The following NRXN3 variants were observed in gnomAD, a reference collection of about 807,000 sequenced individuals.
The protein encoded by NRXN3 is neurexin 3.
In NRXN3, 32 loss-of-function variants were observed where a neutral mutation model predicts 137.6. The ratio of observed to expected loss-of-function variants is 0.23; its 90% confidence interval spans 0.18 to 0.31. NRXN3 has a LOEUF of 0.31. Ranked by LOEUF, NRXN3 falls within the 10% of genes least tolerant of loss-of-function variation. The pLI, the probability that NRXN3 is intolerant of heterozygous loss-of-function variation, is 1.00. For synonymous variants in NRXN3, 798 were observed against 784.5 expected (o/e 1.02, Z -0.29); for missense variants, 1,574 against 2,062.5 (o/e 0.76, Z 4.59).
At chr14:79,495,974 A>C (rs183244884) in intron 16 of NRXN3, among the ~76,000 whole-genome samples, 1 of 151,964 alleles carries the variant, frequency 6.6e-6, no homozygotes, top group Non-Finnish European at 1.5e-5. Flanking sequence ...AAACAAAAAA[A>C]CAAAAAATCC....
chr14:78,750,828 G>A (rs908809415), intron 8 of NRXN3, among the ~76,000 whole-genome samples: 1 of 152,168 alleles, frequency 6.6e-6, no homozygotes, highest in African/African-American at 2.4e-5. Flanking sequence ...AGGGCCAGAG[G>A]TCTCAGAGCT....
intron 20 of NRXN3, among the ~76,000 whole-genome samples, chr14:79,834,388 T>C (rs1487269281): frequency 2.0e-5 from 3 of 152,158 alleles, no homozygotes; most frequent in Non-Finnish European, 4.4e-5. Flanking sequence ...GTTCAGAGAA[T>C]GTGTGATAAG....
Position 78,243,631 on chromosome 14 carries a change from A to T in NRXN3, c.538A>T (p.Lys180Ter). ...CTTCAAGGGGTTAATTCTGGATCTC[A>T]AGTATGGAAACTCGGAGCCTCGGCT... ...PGFKGLILDL[K>*]YGNSEPRLLG... Residue 180 changes from lysine (K) to a stop codon, truncating the protein, a stop_gained, in exon 2 of 21, where the codon AAG becomes TAG. Transcript: ENST00000335750. LOFTEE classifies it high-confidence loss of function. The surrounding 1 kb of genome is among the most constrained non-coding windows in gnomAD (Gnocchi z 4.2). The T allele has an allele frequency of 6.3e-7, 1 of 1,598,322 alleles. No individual in the cohort carries two copies. The highest frequency in any genetic ancestry group is 8.5e-7 in the Non-Finnish European group (1 of 1,179,786).
At chr14:79,524,150 A>C (rs1302490786) in intron 16 of NRXN3, among the ~76,000 whole-genome samples, 2 of 152,206 alleles carry the variant, frequency 1.3e-5, no homozygotes, top group African/African-American at 4.8e-5. Context: ...AGATCTAAGG[A>C]GAAAACAGGA....
At chr14:79,540,500 T>G (rs2097262316) in intron 16 of NRXN3, among the ~76,000 whole-genome samples, 1 of 152,182 alleles carries the variant, frequency 6.6e-6, no homozygotes, top group Non-Finnish European at 1.5e-5. Context: ...GTCACCCTGC[T>G]GTGCAGTAGA....
intron 4 of NRXN3, among the ~76,000 whole-genome samples, chr14:78,298,415 A>G (rs2076564955): frequency 6.6e-6 from 1 of 152,188 alleles, no homozygotes; most frequent in Non-Finnish European, 1.5e-5. Context: ...AGAACATGCT[A>G]ATGTCCTCAT....
In NRXN3 at chr14:79,269,096, C is replaced by A. The variant is rs539889969; in HGVS notation, c.3263-198125C>A. Among the ~76,000 whole-genome samples, 170 of 150,892 alleles carry A rather than the reference C, an allele frequency of 1.1e-3. 1 individual carries two copies. The highest frequency in any genetic ancestry group is 4.1e-3 in the African/African-American group (166 of 40,360). Reference sequence around the variant, plus strand: ...ACGGAGTCTCGCTCTGTCGCCAAGGCTGGAGTGCAGTGGCACAATCTCGGC... The same window carrying A: ...ACGGAGTCTCGCTCTGTCGCCAAGGATGGAGTGCAGTGGCACAATCTCGGC... On this transcript the variant is annotated intron_variant, in intron 15 of 20. Coordinates refer to ENST00000335750, the MANE Select transcript of NRXN3 (RefSeq NM_001330195.2).
intron 20 of NRXN3, among the ~76,000 whole-genome samples, chr14:79,841,244 C>T (rs1235326987): frequency 2.6e-5 from 4 of 151,954 alleles, no homozygotes; most frequent in Admixed American, 1.3e-4. Context: ...TTTTATGAAC[C>T]CTGTACATTC....
chr14:78,314,150 A>G (rs1267359630), intron 4 of NRXN3, among the ~76,000 whole-genome samples: 1 of 152,182 alleles, frequency 6.6e-6, no homozygotes, highest in African/African-American at 2.4e-5. Context: ...TTTGTTTCCT[A>G]TAATGTTGAG....
intron 10 of NRXN3, among the ~76,000 whole-genome samples, chr14:78,841,145 G>T (rs1409864051): frequency 1.3e-5 from 2 of 152,108 alleles, no homozygotes; most frequent in Admixed American, 1.3e-4. Flanking sequence ...TGTCACAGAA[G>T]TCCACTGACT....
At chr14:78,406,694 A>G (rs1210026502) in intron 4 of NRXN3, among the ~76,000 whole-genome samples, 1 of 152,160 alleles carries the variant, frequency 6.6e-6, no homozygotes, top group East Asian at 1.9e-4. Flanking sequence ...GTTCCTGGGA[A>G]TAGATGTTTT....
At chr14:79,327,930 C>T (rs1342778199) in intron 15 of NRXN3, among the ~76,000 whole-genome samples, 1 of 152,082 alleles carries the variant, frequency 6.6e-6, no homozygotes, top group African/African-American at 2.4e-5. Context: ...AACAGTGGCA[C>T]AGTTTGGTTT....
chr14:78,783,444 A>T lies in NRXN3; in HGVS notation c.2045-20176A>T, dbSNP rs369042734. On this transcript the variant is annotated intron_variant, in intron 8 of 20. Transcript: ENST00000335750. ...GCATGGCAAAATAATAGCTATTGTG[A>T]TGTAGGATCCTAGAACAGAAAGGAA... Among the ~76,000 whole-genome samples, 6 of 152,294 alleles carry T rather than the reference A, an allele frequency of 3.9e-5. No individual in the cohort carries two copies. In the South Asian group the frequency reaches 1.2e-3, roughly 32 times the overall value.
chr14:78,236,543 A>T (rs148677808), intron 1 of NRXN3, among the ~76,000 whole-genome samples: 1 of 152,350 alleles, frequency 6.6e-6, no homozygotes, highest in African/African-American at 2.4e-5. Flanking sequence ...ATTCTCATGC[A>T]TATTTTCAGT....
intron 8 of NRXN3, among the ~76,000 whole-genome samples, chr14:78,787,152 AC>A (rs1467410615): frequency 3.9e-5 from 6 of 152,118 alleles, no homozygotes; most frequent in African/African-American, 1.4e-4. Context: ...TGTATTTGTG[AC>A]CCAGTTTGTC....
chr14:78,482,767 A>C, intron 4 of NRXN3, among the ~76,000 whole-genome samples: 1 of 152,306 alleles, frequency 6.6e-6, no homozygotes, highest in Non-Finnish European at 1.5e-5. Flanking sequence ...ATTTGAAGGA[A>C]GTTTCTTAAC....
intron 8 of NRXN3, among the ~76,000 whole-genome samples, chr14:78,773,093 T>C (rs1362397046): frequency 1.3e-5 from 2 of 152,220 alleles, no homozygotes; most frequent in Non-Finnish European, 2.9e-5. Flanking sequence ...ATGATTTCAT[T>C]AACACGGGTT....
intron 16 of NRXN3, among the ~76,000 whole-genome samples, chr14:79,524,543 A>C (rs2097100604): frequency 6.6e-6 from 1 of 152,220 alleles, no homozygotes; most frequent in Admixed American, 6.5e-5. Flanking sequence ...TATAACCAAC[A>C]AAAAATAATT....
At chr14:79,063,173 C>A (rs1287318706) in intron 15 of NRXN3, among the ~76,000 whole-genome samples, 2 of 152,186 alleles carry the variant, frequency 1.3e-5, no homozygotes, top group Non-Finnish European at 2.9e-5. Context: ...ACACTGAATT[C>A]TTTTGTTCAG....
Sources: allele counts gnomAD v4.1 joint callset (sites outside exome capture counted in the v4.1 genomes callset), GRCh38; gene constraint gnomAD v4.1.1; non-coding constraint Gnocchi (gnomAD v3.1); transcripts MANE v1.5; gene names NCBI Gene and HGNC (gene_info 2026-07-23, HGNC 2026-07-21).